Variants in KIAA2012 observed in about 807,000 individuals in gnomAD.
KIAA2012 encodes uncharacterized protein KIAA2012.
In KIAA2012, 125 loss-of-function variants were observed where a neutral mutation model predicts 150.6. The observed-to-expected ratio is 0.83, with a 90% CI of 0.72 to 0.96. The LOEUF (loss-of-function observed/expected upper bound fraction) is 0.96. KIAA2012 is among the 40% of genes least tolerant of loss of function. KIAA2012 has a pLI of 0.00. For missense variants in KIAA2012, 1,219 were observed against 1,354.9 expected (o/e 0.90, Z 1.57); for synonymous variants, 462 against 504.7 (o/e 0.92, Z 1.13).
chr2:202,177,514 G>A (rs993258773), intron 15 of KIAA2012, among the ~76,000 whole-genome samples: 1 of 152,134 alleles, frequency 6.6e-6, no homozygotes, highest in Non-Finnish European at 1.5e-5. Flanking sequence ...CACGTGGTGG[G>A]AGGCAAAAAG....
intron 22 of KIAA2012, chr2:202,197,537 C>T (rs945610248): frequency 6.4e-6 from 1 of 157,224 alleles, no homozygotes; most frequent in Non-Finnish European, 1.4e-5. Context: ...TTAAAGCTAG[C>T]AATAAATGCT....
rs922690604 is a variant in KIAA2012, at chr2:202,073,571, T to C, written c.-57T>C. ...CTGGAAATCTTGAGGTGTGACCAGA[T>C]TTCAGCCTTCAAAACCAAGATGGAC... On this transcript the variant is annotated 5_prime_UTR_variant, in exon 1 of 24. Transcript: ENST00000498697. 1.3e-6 allele frequency: 2 copies of C among 1,483,814 alleles called. No homozygotes were observed. Among genetic ancestry groups the C allele is most frequent in the Non-Finnish European group, 1.8e-6 (2 of 1,089,458 alleles). The allele number at this position is 1,483,814 out of a possible 1,614,324, so 91.9% of individuals were successfully genotyped here. A position where few individuals can be genotyped will look rare whatever the true frequency, so the allele number is the denominator to read the frequency against.
At chr2:202,105,680 A>G in intron 8 of KIAA2012, 81 bp from the exon 9 acceptor site, 1 of 1,493,442 alleles carries the variant, frequency 6.7e-7, no homozygotes, top group Non-Finnish European at 9.0e-7. Context: ...TGAGCAGGGA[A>G]GGGATAGGTC....
chr2:202,096,669 C>G (rs1689892470), intron 4 of KIAA2012, among the ~76,000 whole-genome samples: 1 of 152,166 alleles, frequency 6.6e-6, no homozygotes, highest in Admixed American at 6.5e-5. Flanking sequence ...TCCAGAGCCC[C>G]TAGTTGAAAG....
At chr2:202,150,469 G>A (rs1691402266) in intron 13 of KIAA2012, among the ~76,000 whole-genome samples, 1 of 149,132 alleles carries the variant, frequency 6.7e-6, no homozygotes, top group Non-Finnish European at 1.5e-5. Flanking sequence ...TTTTTTTTGA[G>A]ACAGAGTCTC....
intron 9 of KIAA2012, among the ~76,000 whole-genome samples, chr2:202,106,360 CTGTT>C (rs1690189931): frequency 6.6e-6 from 1 of 152,154 alleles, no homozygotes; most frequent in Admixed American, 6.5e-5. Context: ...CATTTCTAAT[CTGTT>C]TATAAATATG....
intron 13 of KIAA2012, among the ~76,000 whole-genome samples, chr2:202,140,862 T>C (rs1457296268): frequency 6.6e-6 from 1 of 151,778 alleles, no homozygotes; most frequent in Admixed American, 6.6e-5. Context: ...TTTCCATCAG[T>C]TCCCCCACTG....
chr2:202,168,430 AAAAAG>A (rs1388752399), intron 15 of KIAA2012, among the ~76,000 whole-genome samples: 2 of 150,936 alleles, frequency 1.3e-5, no homozygotes, highest in African/African-American at 2.4e-5. Context: ...AAAAAAAAAA[AAAAAG>A]AAAGAAAAAA....
chr2:202,113,240 G>A (rs1690422603), intron 10 of KIAA2012, 96 bp from the exon 11 acceptor site: 2 of 867,352 alleles, frequency 2.3e-6, no homozygotes, highest in African/African-American at 3.4e-5. Context: ...CTACGGGTGT[G>A]TGCCCGCGGG....
chr2:202,107,902 T>C (rs1227842477), intron 9 of KIAA2012, among the ~76,000 whole-genome samples: 1 of 151,996 alleles, frequency 6.6e-6, no homozygotes, highest in Non-Finnish European at 1.5e-5. Context: ...CCAGCTACTC[T>C]GGAGGCTGAG....
Position 202,099,684 on chromosome 2 carries a change from C to T in KIAA2012, c.900C>T (p.Thr300=). Residue 300 remains threonine (T), a synonymous_variant, in exon 6 of 24, where the codon ACC becomes ACT. Transcript: ENST00000498697. ...GCTACAATGAAAAGACACAGCAAAC[C>T]TCCAGGAAGGCCTTTGGGCATGGCC... ...KESYNEKTQQ[T]SRKAFGHGRI... is the part of the protein sequence containing the mutation. 6.4e-7 allele frequency: 1 copy of T among 1,550,474 alleles called. No homozygotes were observed. Among genetic ancestry groups the T allele is most frequent in the African/African-American group, 1.4e-5 (1 of 73,146 alleles).
intron 10 of KIAA2012, among the ~76,000 whole-genome samples, chr2:202,111,458 C>T (rs572057468): frequency 5.1e-5 from 7 of 137,940 alleles, no homozygotes; most frequent in Non-Finnish European, 1.1e-4. Context: ...TGCAGTGAGC[C>T]GAGATAGCAC....
rs371324691 is a variant in KIAA2012, at chr2:202,151,358, C to T, written c.1909-3315C>T. ...GTTGCAGTGAGCCAAGATTGCGCCA[C>T]TGCACTCCAGCCTGGGCAACAGAGC... is the stretch of plus-strand genomic sequence containing the variant. On this transcript the variant is annotated intron_variant, in intron 13 of 23. Coordinates refer to ENST00000498697, the MANE Select transcript of KIAA2012 (RefSeq NM_001277372.4). Among the ~76,000 whole-genome samples the T allele has an allele frequency of 6.9e-4, 105 of 152,202 alleles. No homozygotes were observed. The East Asian group carries it at 0.018, about 26-fold the overall frequency.
chr2:202,179,320 G>T, intron 15 of KIAA2012: 1 of 1,190,292 alleles, frequency 8.4e-7, no homozygotes, highest in South Asian at 1.2e-5. Flanking sequence ...ACGGCTTTTC[G>T]CTGACTACAT....
intron 11 of KIAA2012, among the ~76,000 whole-genome samples, chr2:202,123,021 C>CT (rs1690692341): frequency 6.6e-6 from 1 of 152,192 alleles, no homozygotes; most frequent in Non-Finnish European, 1.5e-5. Context: ...ATCCCCATGC[C>CT]ATGTGCCTCT....
At chr2:202,097,653 A>C (rs1689927644) in intron 5 of KIAA2012, 76 bp downstream of exon 5, 3 of 1,493,778 alleles carry the variant, frequency 2.0e-6, no homozygotes, top group Middle Eastern at 2.4e-4. Context: ...GCAATGGCAG[A>C]ATTTTGGCTC....
intron 2 of KIAA2012, chr2:202,076,822 G>GT (rs1165086614): frequency 5.2e-6 from 2 of 382,180 alleles, no homozygotes; most frequent in African/African-American, 4.2e-5. Context: ...GTCATGGCCT[G>GT]TTTGTCTCAG....
At chr2:202,076,393 C>T (rs2105906788) in intron 2 of KIAA2012, among the ~76,000 whole-genome samples, 1 of 152,222 alleles carries the variant, frequency 6.6e-6, no homozygotes, top group South Asian at 2.1e-4. Context: ...ATCACCTACC[C>T]CCATGCCAGG....
chr2:202,139,282 G>A (rs963338921), intron 13 of KIAA2012, among the ~76,000 whole-genome samples: 2 of 151,206 alleles, frequency 1.3e-5, no homozygotes, highest in Admixed American at 1.3e-4. Flanking sequence ...AAGGACATAT[G>A]TTCACAAATA....
Sources: allele counts gnomAD v4.1 joint callset (sites outside exome capture counted in the v4.1 genomes callset), GRCh38; gene constraint gnomAD v4.1.1; transcripts MANE v1.5; gene names NCBI Gene and HGNC (gene_info 2026-07-23, HGNC 2026-07-21).